The following GPHN variants were observed in gnomAD, a reference collection of about 807,000 sequenced individuals.
GPHN encodes the protein gephyrin.
Under a neutral mutation model 95.5 loss-of-function variants are expected in GPHN, and 17 were observed. The ratio of observed to expected loss-of-function variants is 0.18; its 90% confidence interval spans 0.12 to 0.27. GPHN has a LOEUF of 0.27. Among genes scored for constraint, GPHN ranks in the 10% least tolerant of loss-of-function variants. The pLI, the probability that GPHN is intolerant of heterozygous loss-of-function variation, is 1.00. For missense variants in GPHN, 660 were observed against 978.1 expected (o/e 0.67, Z 4.34); for synonymous variants, 320 against 322.5 (o/e 0.99, Z 0.08).
the GPHN span, chr14:67,577,493 A>G: frequency 6.6e-6 from 6 of 909,988 alleles, no homozygotes; most frequent in African/African-American, 9.8e-5. Flanking sequence ...AGTTGGGGAC[A>G]ACCCACAGAG....
the GPHN span, among the ~76,000 whole-genome samples, chr14:67,273,296 C>T: frequency 1.3e-4 from 20 of 151,702 alleles, no homozygotes; most frequent in East Asian, 9.7e-4. Flanking sequence ...CGACAGGCCC[C>T]GATGTGTGAT....
At chr14:67,650,567 T>C in the GPHN span, 1 of 667,700 alleles carries the variant, frequency 1.5e-6, no homozygotes. Context: ...GAGGATGAGG[T>C]GCAAGGGGCT....
chr14:66,954,035 CAAAA>C (rs34877524), intron 8 of GPHN, among the ~76,000 whole-genome samples: 14 of 128,878 alleles, frequency 1.1e-4, no homozygotes, highest in African/African-American at 8.6e-5. Context: ...AACTCGGTCT[CAAAA>C]AAAAAAAAAA....
At chr14:66,590,936 C>T (rs555877671) in intron 1 of GPHN, among the ~76,000 whole-genome samples, 1 of 152,248 alleles carries the variant, frequency 6.6e-6, no homozygotes, top group East Asian at 1.9e-4. Context: ...AATCCAGCAG[C>T]ACATCAAAAA....
chr14:66,776,609 T>C (rs927820702), intron 3 of GPHN, 88 bp downstream of exon 3: 17 of 806,238 alleles, frequency 2.1e-5, no homozygotes, highest in Admixed American at 1.7e-4. Context: ...GCCATTGATA[T>C]TTGGCTATGT....
chr14:66,750,814 T>C (rs977313157), intron 2 of GPHN, among the ~76,000 whole-genome samples: 3 of 151,958 alleles, frequency 2.0e-5, no homozygotes, highest in African/African-American at 7.2e-5. Context: ...CACATATTAC[T>C]ATTACTCCTA....
At chr14:67,540,651 TA>T in the GPHN span, among the ~76,000 whole-genome samples, 86 of 151,718 alleles carry the variant, frequency 5.7e-4, 1 homozygote, top group South Asian at 0.013. Context: ...ATTATCACCC[TA>T]AAAAATTAAC....
intron 1 of GPHN, among the ~76,000 whole-genome samples, chr14:66,668,137 A>T (rs773776347): frequency 2.0e-5 from 3 of 152,088 alleles, no homozygotes; most frequent in Non-Finnish European, 4.4e-5. Context: ...AAATAACAAG[A>T]CGCTTGTGAG....
intron 4 of GPHN, among the ~76,000 whole-genome samples, chr14:66,856,784 T>A (rs1007241319): frequency 6.6e-6 from 1 of 152,048 alleles, no homozygotes. Flanking sequence ...CGAAACTGAT[T>A]TTAAGAATTC....
intron 1 of GPHN, among the ~76,000 whole-genome samples, chr14:66,546,637 C>T (rs1040539263): frequency 3.9e-5 from 6 of 152,068 alleles, no homozygotes; most frequent in African/African-American, 9.7e-5. Context: ...TCAGGCGTGG[C>T]GGCGCGTGCC....
chr14:66,720,557 G>A (rs868627844), intron 2 of GPHN, among the ~76,000 whole-genome samples: 1 of 152,092 alleles, frequency 6.6e-6, no homozygotes, highest in Non-Finnish European at 1.5e-5. Flanking sequence ...TTTCCAGGGG[G>A]CCTTATTAGC....
the GPHN span, among the ~76,000 whole-genome samples, chr14:67,499,028 G>A: frequency 9.0e-6 from 1 of 111,548 alleles, no homozygotes; most frequent in African/African-American, 2.9e-5. Context: ...TTAGAAACAA[G>A]GTCTTGCTCT....
chr14:67,212,967 A>C, the GPHN span, among the ~76,000 whole-genome samples: 1 of 151,710 alleles, frequency 6.6e-6, no homozygotes, highest in Non-Finnish European at 1.5e-5. Flanking sequence ...TTTCTATATG[A>C]GTTGTTCTCA....
chr14:66,523,665 T>C (rs1184747057), intron 1 of GPHN, among the ~76,000 whole-genome samples: 1 of 152,142 alleles, frequency 6.6e-6, no homozygotes, highest in African/African-American at 2.4e-5. Context: ...AATACTAATA[T>C]GCCTGCCTTA....
chr14:67,243,194 T>A, the GPHN span, among the ~76,000 whole-genome samples: 16 of 141,330 alleles, frequency 1.1e-4, no homozygotes, highest in South Asian at 3.4e-3. Flanking sequence ...TTGTCTTTTC[T>A]TTTTTTTTTT....
chr14:67,544,643 G>T, the GPHN span, among the ~76,000 whole-genome samples: 1 of 152,140 alleles, frequency 6.6e-6, no homozygotes, highest in African/African-American at 2.4e-5. Flanking sequence ...GAAAGCATAA[G>T]ACAAGAACAA....
At chr14:66,735,966 C>A (rs1441387176) in intron 2 of GPHN, among the ~76,000 whole-genome samples, 1 of 151,892 alleles carries the variant, frequency 6.6e-6, no homozygotes, top group East Asian at 1.9e-4. Flanking sequence ...AACCAAAGGT[C>A]AAAAAAATTA....
In GPHN at chr14:66,679,491, T is replaced by G. The variant is rs578112197; in HGVS notation, c.65-1616T>G. ...GAACATTAATATATTGTATCAGTTT[T>G]GGGCTAGTCTCAGCAATTTTTAACT... is the stretch of plus-strand genomic sequence containing the variant. On this transcript the variant is annotated intron_variant, in intron 1 of 22. Transcript: ENST00000478722. Among the ~76,000 whole-genome samples, 5 of 152,326 alleles carry G rather than the reference T, an allele frequency of 3.3e-5. No individual in the cohort carries two copies. In the South Asian group the frequency reaches 8.3e-4, roughly 25 times the overall value.
chr14:67,085,188 C>A (rs1343919018), intron 11 of GPHN, among the ~76,000 whole-genome samples: 4 of 152,028 alleles, frequency 2.6e-5, no homozygotes, highest in Admixed American at 1.3e-4. Flanking sequence ...TGCAAACTAC[C>A]AGAACAAAGT....
Sources: gnomAD v4.1 joint callset for allele counts (sites outside exome capture counted in the v4.1 genomes callset) on GRCh38, gnomAD v4.1.1 for gene constraint, MANE v1.5 for transcripts, NCBI Gene and HGNC (gene_info 2026-07-23, HGNC 2026-07-21) for gene names.